USP15: variants seen among roughly 807,000 people sequenced by gnomAD.
USP15 encodes ubiquitin specific peptidase 15, also known as ubiquitin carboxyl-terminal hydrolase 15.
USP15 carries 18 observed loss-of-function variants against 127.1 expected under a neutral mutation model. That is an observed-to-expected ratio of 0.14 (90% CI 0.10 to 0.21). The LOEUF (loss-of-function observed/expected upper bound fraction) is 0.21, where lower values mean the gene tolerates loss of function less well. USP15 is among the 10% of genes least tolerant of loss of function. The probability of loss-of-function intolerance (pLI) is 1.00; values close to 1 mark genes in which losing one functional copy is unlikely to be tolerated. For synonymous variants in USP15, 364 were observed against 393.7 expected (o/e 0.92, Z 0.89); for missense variants, 805 against 1,159.9 (o/e 0.69, Z 4.44).
chr12:62,265,932 G>A (rs2063182135), intron 1 of USP15, among the ~76,000 whole-genome samples: 1 of 152,082 alleles, frequency 6.6e-6, no homozygotes. Context: ...TCTTTTTAAA[G>A]GAAGTCTATT....
chr12:62,307,278 A>G (rs2064514280), intron 3 of USP15, among the ~76,000 whole-genome samples: 1 of 152,214 alleles, frequency 6.6e-6, no homozygotes, highest in Non-Finnish European at 1.5e-5. Context: ...TAATGCATGA[A>G]AAAAGGATGA....
intron 6 of USP15, among the ~76,000 whole-genome samples, chr12:62,328,999 T>A (rs936176889): frequency 1.3e-5 from 2 of 152,292 alleles, no homozygotes; most frequent in African/African-American, 4.8e-5. Flanking sequence ...ACTTTCAACT[T>A]TATATGCAAA....
intron 6 of USP15, among the ~76,000 whole-genome samples, chr12:62,341,541 G>GC (rs1193888555): frequency 1.3e-5 from 2 of 152,044 alleles, no homozygotes; most frequent in Non-Finnish European, 2.9e-5. Context: ...CATATTTAGT[G>GC]CTTCCTTCAG....
At chr12:62,288,197 T>C (rs11174414) in intron 1 of USP15, among the ~76,000 whole-genome samples, 9,757 of 152,224 alleles carry the variant, frequency 0.064, 412 homozygotes, top group Middle Eastern at 0.11. Flanking sequence ...GTATGAGTTA[T>C]TTTAACATTA....
chr12:62,326,752 AAAT>A (rs999781866), intron 6 of USP15, among the ~76,000 whole-genome samples: 23 of 152,210 alleles, frequency 1.5e-4, no homozygotes, highest in African/African-American at 2.4e-4. Flanking sequence ...GAAATTCTTA[AAAT>A]AATGATATTT....
At position 62,412,939 on chromosome 12, in the gene USP15, G is replaced by T. The variant is rs1035221426; in HGVS notation, c.*8564G>T. The stretch of plus-strand genomic sequence containing the variant: ...TTTCAGAAGGTTTTTATTTTGCCCA[G>T]ATCCATCAGAGGAATCACTATCTAT... On this transcript the variant is annotated 3_prime_UTR_variant, in exon 22 of 22. Coordinates refer to ENST00000280377, the MANE Select transcript of USP15 (RefSeq NM_001252078.2). 1.3e-5 allele frequency: 2 copies of T among 152,168 alleles called. No individual in the cohort carries two copies. Among genetic ancestry groups the T allele is most frequent in the South Asian group, 2.1e-4 (1 of 4,838 alleles). The allele number at this position is 152,168 out of a possible 1,614,324, so 9.4% of individuals were successfully genotyped here.
rs60827285 is a variant in USP15, at chr12:62,286,937, CA to C, written c.90-7227del. On this transcript the variant is annotated intron_variant, in intron 1 of 21. Transcript: ENST00000280377. ...GGGCAACAAGAGCGAAACTCTGTCT[CA>C]AAAAAAAAAAAAAAGTGATACATAT... is the stretch of plus-strand genomic sequence containing the variant. Among the ~76,000 whole-genome samples, 1,228 of 128,298 alleles carry C rather than the reference CA, an allele frequency of 9.6e-3. 9 individuals are homozygous for C. The highest frequency in any genetic ancestry group is 0.015 in the Non-Finnish European group (874 of 59,270). The allele number at this position is 128,298 out of a possible 152,430, so 84.2% of individuals were successfully genotyped here.
chr12:62,282,391 A>G (rs2063678934), intron 1 of USP15, among the ~76,000 whole-genome samples: 1 of 152,130 alleles, frequency 6.6e-6, no homozygotes, highest in Non-Finnish European at 1.5e-5. Context: ...TAACAGCAAC[A>G]ATTAATAATA....
chr12:62,362,116 A>G (rs796133048), intron 8 of USP15, among the ~76,000 whole-genome samples: 16 of 152,224 alleles, frequency 1.1e-4, no homozygotes, highest in African/African-American at 3.6e-4. Flanking sequence ...TGAAGCAAGG[A>G]AAGTTTGATT....
At chr12:62,340,391 G>C (rs1463800154) in intron 6 of USP15, among the ~76,000 whole-genome samples, 7 of 151,900 alleles carry the variant, frequency 4.6e-5, no homozygotes, top group Non-Finnish European at 7.4e-5. Context: ...ATCTCCTTCA[G>C]TTCTGCTCTG....
At chr12:62,344,118 A>G (rs2065736409) in intron 6 of USP15, among the ~76,000 whole-genome samples, 1 of 151,990 alleles carries the variant, frequency 6.6e-6, no homozygotes, top group South Asian at 2.1e-4. Context: ...TAAAGTCTCA[A>G]CTCATTTCAG....
intron 3 of USP15, among the ~76,000 whole-genome samples, chr12:62,305,235 T>C (rs1372655694): frequency 6.6e-6 from 1 of 151,932 alleles, no homozygotes; most frequent in Admixed American, 6.6e-5. Flanking sequence ...ACTGAAATAA[T>C]ACAAACAAAA....
At chr12:62,363,682 G>A (rs947603090) in intron 8 of USP15, among the ~76,000 whole-genome samples, 10 of 151,524 alleles carry the variant, frequency 6.6e-5, no homozygotes, top group African/African-American at 1.5e-4. Flanking sequence ...CCCTCTCCCC[G>A]CGTCCCCACC....
chr12:62,332,491 C>T (rs950957846), intron 6 of USP15, among the ~76,000 whole-genome samples: 1 of 151,572 alleles, frequency 6.6e-6, no homozygotes, highest in Non-Finnish European at 1.5e-5. Flanking sequence ...TCTTGGATTT[C>T]TAAAAAATGA....
intron 11 of USP15, among the ~76,000 whole-genome samples, chr12:62,384,761 A>G (rs116120676): frequency 6.6e-6 from 1 of 151,790 alleles, no homozygotes; most frequent in Non-Finnish European, 1.5e-5. Context: ...AAGAAAGTAG[A>G]AATTCAGTTA....
At chr12:62,330,304 T>C (rs182362093) in intron 6 of USP15, among the ~76,000 whole-genome samples, 145 of 148,204 alleles carry the variant, frequency 9.8e-4, no homozygotes, top group African/African-American at 3.4e-3. Context: ...AAAAAACAAA[T>C]GGGGCTGGGC....
chr12:62,318,162 C>T (rs2064883681), intron 4 of USP15, among the ~76,000 whole-genome samples: 2 of 152,272 alleles, frequency 1.3e-5, no homozygotes, highest in African/African-American at 2.4e-5. Flanking sequence ...CAAGCTCAGC[C>T]ACCAATTATT....
chr12:62,268,929 G>T (rs2063270515), intron 1 of USP15, among the ~76,000 whole-genome samples: 1 of 151,950 alleles, frequency 6.6e-6, no homozygotes, highest in African/African-American at 2.4e-5. Flanking sequence ...TCTGTTCTAG[G>T]CAGCTACTAA....
At chr12:62,331,779 A>C (rs957327954) in intron 6 of USP15, among the ~76,000 whole-genome samples, 1 of 151,164 alleles carries the variant, frequency 6.6e-6, no homozygotes, top group Non-Finnish European at 1.5e-5. Context: ...ATTTAGTTAC[A>C]AAAAAAATAT....
Sources: allele counts gnomAD v4.1 joint callset (sites outside exome capture counted in the v4.1 genomes callset), GRCh38; gene constraint gnomAD v4.1.1; transcripts MANE v1.5; gene names NCBI Gene and HGNC (gene_info 2026-07-23, HGNC 2026-07-21).